Variants in ITGA11 observed in about 807,000 individuals in gnomAD.
ITGA11 encodes integrin subunit alpha 11.
ITGA11 carries 97 observed loss-of-function variants against 141.9 expected under a neutral mutation model. The ratio of observed to expected loss-of-function variants is 0.68; its 90% CI spans 0.58 to 0.81. ITGA11 has a LOEUF of 0.81. Ranked by LOEUF, ITGA11 falls within the 30% of genes least tolerant of loss-of-function variation. The pLI is 0.00. For synonymous variants in ITGA11, 658 were observed against 624.6 expected, an observed-to-expected ratio of 1.05 and a Z score of -0.80; for missense variants, 1,387 against 1,559.2, an observed-to-expected ratio of 0.89 and a Z score of 1.86.
intron 8 of ITGA11, 84 bp downstream of exon 8, chr15:68,351,174 G>T: frequency 6.9e-7 from 1 of 1,450,270 alleles, no homozygotes; most frequent in Non-Finnish European, 9.4e-7. Flanking sequence ...ATACTGCCTG[G>T]AACTAGTCCC....
At chr15:68,351,769 A>G (rs187762764) in intron 7 of ITGA11, among the ~76,000 whole-genome samples, 1 of 151,906 alleles carries the variant, frequency 6.6e-6, no homozygotes, top group East Asian at 1.9e-4. Flanking sequence ...CTGCTCACTG[A>G]CATCTCTCGG....
At chr15:68,319,831 G>A (rs990713462) in intron 20 of ITGA11, among the ~76,000 whole-genome samples, 2 of 152,214 alleles carry the variant, frequency 1.3e-5, no homozygotes, top group African/African-American at 4.8e-5. Flanking sequence ...TGAAGTCACT[G>A]AGGGAGCTTT....
At chr15:68,354,400 G>A (rs1020284350) in intron 7 of ITGA11, among the ~76,000 whole-genome samples, 6 of 151,826 alleles carry the variant, frequency 4.0e-5, no homozygotes, top group East Asian at 1.9e-4. Flanking sequence ...TTTTTTTAAC[G>A]TGCATATCTG....
At chr15:68,313,649 G>A (rs2140276118) in intron 23 of ITGA11, 130 bp downstream of exon 23, 1 of 677,370 alleles carries the variant, frequency 1.5e-6, no homozygotes, top group East Asian at 2.7e-5. Context: ...GACACTCTTG[G>A]CTCCATCCAT....
In ITGA11 at chr15:68,302,115, T is replaced by TGTGTGTGTGTGTGTG. The variant is rs1555444826; in HGVS notation, c.*943_*944insCACACACACACACAC. On this transcript the variant is annotated 3_prime_UTR_variant, in exon 30 of 30. Coordinates refer to ENST00000315757, the MANE Select transcript of ITGA11 (RefSeq NM_001004439.2). ...GTGTGTGTGTGTGTGTGTGTGTGTG[T>TGTGTGTGTGTGTGTG]AGGGAGGGGGTGATACAGGGAGGGG... 2.3e-5 allele frequency: 3 copies of TGTGTGTGTGTGTGTG among 133,156 alleles called. No individual in the cohort carries two copies. Among genetic ancestry groups the TGTGTGTGTGTGTGTG allele is most frequent in the East Asian group, 2.2e-4 (1 of 4,610 alleles). 8.2% of individuals were successfully genotyped at this position (133,156 alleles called of 1,614,324 possible). A position where few individuals can be genotyped will look rare whatever the true frequency, so the allele number is the denominator to read the frequency against.
intron 7 of ITGA11, 61 bp from the exon 8 acceptor site, chr15:68,351,463 C>A: frequency 6.4e-7 from 1 of 1,571,622 alleles, no homozygotes; most frequent in Non-Finnish European, 8.6e-7. Flanking sequence ...CAGCCCCTGA[C>A]GCTCCTGCAG....
At chr15:68,427,432 A>G (rs997976696) in intron 1 of ITGA11, among the ~76,000 whole-genome samples, 1 of 152,170 alleles carries the variant, frequency 6.6e-6, no homozygotes, top group African/African-American at 2.4e-5. Context: ...CCAGGTAGAA[A>G]GGATTTGCAT....
chr15:68,417,510 C>A (rs1198811958), intron 1 of ITGA11, among the ~76,000 whole-genome samples: 1 of 152,192 alleles, frequency 6.6e-6, no homozygotes, highest in African/African-American at 2.4e-5. Flanking sequence ...TTTTGCTCAG[C>A]TTCAAGCTAT....
Position 68,328,029 on chromosome 15 carries a change from G to T in ITGA11, c.2068+67C>A. On this transcript the variant is annotated intron_variant, in intron 16 of 29. Transcript: ENST00000315757. This position sits in a 1 kb window ranked among gnomAD's most constrained non-coding sequence, Gnocchi z 4.8. Reference sequence around the variant, plus strand: ...CCATTTTGGGAAAAGCCCAGGCTTTGAAATAGAGCAAGGTGCAGGGGGAGA... The same window carrying T: ...CCATTTTGGGAAAAGCCCAGGCTTTTAAATAGAGCAAGGTGCAGGGGGAGA... 6.7e-7 allele frequency: 1 copy of T among 1,485,124 alleles called. No individual in the cohort carries two copies. The highest frequency in any genetic ancestry group is 9.1e-7 in the Non-Finnish European group (1 of 1,102,136). The allele number at this position is 1,485,124 out of a possible 1,614,324, so 92.0% of individuals were successfully genotyped here. A position where few individuals can be genotyped will look rare whatever the true frequency, so the allele number is the denominator to read the frequency against.
Position 68,339,662 on chromosome 15 carries a change from A to C in ITGA11, c.1132-18T>G, listed in dbSNP as rs368707269. 8.2e-5 allele frequency: 133 copies of C among 1,613,578 alleles called. No individual in the cohort carries two copies. The highest frequency in any genetic ancestry group is 8.3e-5 in the Non-Finnish European group (98 of 1,179,808). ...ACCCCATCCTGGCATTGGGGAGGGG[A>C]CACACATCAGCACCTGTCCTCATGG... is the stretch of plus-strand genomic sequence containing the variant. On this transcript the variant is annotated intron_variant, in intron 10 of 29. Transcript: ENST00000315757.
chr15:68,345,625 C>T (rs535459830), intron 10 of ITGA11, among the ~76,000 whole-genome samples: 48 of 152,356 alleles, frequency 3.2e-4, no homozygotes, highest in Non-Finnish European at 5.0e-4. Flanking sequence ...TAAACAGGCC[C>T]GGGGAAGCCC....
Position 68,350,767 on chromosome 15 carries a change from T to G in ITGA11, c.910A>C (p.Asn304His), listed in dbSNP as rs758170355. The G allele has an allele frequency of 1.9e-5, 31 of 1,613,254 alleles. No homozygotes were observed. Among genetic ancestry groups the G allele is most frequent in the Non-Finnish European group, 2.6e-5 (31 of 1,179,548 alleles). The change falls in exon 9 of 30, where the codon AAC becomes CAC. Residue 304 changes from asparagine to histidine, a missense_variant. Asn to His is a moderately conservative substitution (Grantham distance 68). Transcript: ENST00000315757. ...RYAVAVLGYY[N>H]RRGINPETFL... The stretch of plus-strand genomic sequence containing the variant: ...GTTTCTGGATTGATCCCCCTGCGGT[T>G]GTAGTAGCCCAGGACCTGCCAGGGA...
intron 4 of ITGA11, 191 bp from the exon 5 acceptor site, chr15:68,361,895 T>G: frequency 1.8e-6 from 1 of 540,598 alleles, no homozygotes; most frequent in Non-Finnish European, 3.3e-6. Context: ...TCCTTTGGTT[T>G]CAGGTCTAAT....
intron 2 of ITGA11, among the ~76,000 whole-genome samples, chr15:68,376,199 G>A (rs1440686998): frequency 6.6e-6 from 1 of 151,236 alleles, no homozygotes; most frequent in East Asian, 2.0e-4. Context: ...CGCCTTCTGA[G>A]GCTCTAGATC....
At chr15:68,306,509 AC>A (rs1371497348) in intron 28 of ITGA11, among the ~76,000 whole-genome samples, 1 of 152,038 alleles carries the variant, frequency 6.6e-6, no homozygotes, top group African/African-American at 2.4e-5. Context: ...CCCAGACTGC[AC>A]TCACCCATTT....
Position 68,305,461 on chromosome 15 carries a change from T to C in ITGA11, c.3382-1576A>G, listed in dbSNP as rs987514985. On this transcript the variant is annotated intron_variant, in intron 28 of 29. Transcript: ENST00000315757. This position sits in a 1 kb window ranked among gnomAD's most constrained non-coding sequence, Gnocchi z 4.6. ...GTGGGGGCTTTGTCTGTTTTGTCCCTGCTCTATCCTCAGAACCTGGAGCCG... is the reference window on the plus strand; with the variant it reads ...GTGGGGGCTTTGTCTGTTTTGTCCCCGCTCTATCCTCAGAACCTGGAGCCG... 6.6e-6 allele frequency among the ~76,000 whole-genome samples: 1 copy of C among 152,186 alleles called. No individual in the cohort carries two copies. The highest frequency in any genetic ancestry group is 1.5e-5 in the Non-Finnish European group (1 of 68,038).
In ITGA11 at chr15:68,378,437, G is replaced by A. The variant is rs564431667; in HGVS notation, c.165-9153C>T. 2.0e-5 allele frequency among the ~76,000 whole-genome samples: 3 copies of A among 152,206 alleles called. No homozygotes were observed. In the South Asian group the frequency reaches 6.2e-4, roughly 32 times the overall value. On this transcript the variant is annotated intron_variant, in intron 2 of 29. Transcript: ENST00000315757. ...AGGCAGGAGCATCAATTGAGACCAG[G>A]AGTTCAAGAGCAGCCTGGGCAACAT...
chr15:68,340,339 T>C (rs1389832431), intron 10 of ITGA11, among the ~76,000 whole-genome samples: 1 of 152,118 alleles, frequency 6.6e-6, no homozygotes, highest in Non-Finnish European at 1.5e-5. Flanking sequence ...GGATGTCATG[T>C]TTACCCGTGT....
At chr15:68,329,159 C>A (rs149094615) in intron 15 of ITGA11, among the ~76,000 whole-genome samples, 1 of 152,320 alleles carries the variant, frequency 6.6e-6, no homozygotes, top group African/African-American at 2.4e-5. Flanking sequence ...TCCACGGGCT[C>A]CTCATTGGAC....
Sources: allele counts gnomAD v4.1 joint callset (sites outside exome capture counted in the v4.1 genomes callset), GRCh38; gene constraint gnomAD v4.1.1; non-coding constraint Gnocchi (gnomAD v3.1); transcripts MANE v1.5; gene names NCBI Gene and HGNC (gene_info 2026-07-23, HGNC 2026-07-21).